NRXN3: variants seen among roughly 807,000 people sequenced by gnomAD.
NRXN3 encodes neurexin 3, also known as neurexin III.
NRXN3 carries 32 observed loss-of-function variants against 137.6 expected under a neutral mutation model. That is an observed-to-expected ratio of 0.23 (90% CI 0.18 to 0.31). The LOEUF is 0.31. Ranked by LOEUF, NRXN3 falls within the 10% of genes least tolerant of loss-of-function variation. The pLI is 1.00. For missense variants in NRXN3, 1,574 were observed against 2,062.5 expected (o/e 0.76, Z 4.59); for synonymous variants, 798 against 784.5 (o/e 1.02, Z -0.29).
chr14:78,827,140 C>T (rs1306122695), intron 10 of NRXN3, among the ~76,000 whole-genome samples: 1 of 151,862 alleles, frequency 6.6e-6, no homozygotes, highest in African/African-American at 2.4e-5. Context: ...TTTACTGTAC[C>T]TCAGCCTTCA....
chr14:78,966,452 T>C (rs1246308398), intron 12 of NRXN3, 46 bp downstream of exon 12: 2 of 1,559,584 alleles, frequency 1.3e-6, no homozygotes, highest in Non-Finnish European at 1.7e-6. Flanking sequence ...TTTAATCTAC[T>C]GAAGCTCTAC....
intron 4 of NRXN3, among the ~76,000 whole-genome samples, chr14:78,375,871 AAATT>A (rs1398304140): frequency 1.3e-5 from 2 of 152,162 alleles, no homozygotes; most frequent in African/African-American, 4.8e-5. Context: ...AATTTATAAT[AAATT>A]AAGGTCCCCA....
At chr14:78,817,625 A>T (rs1465703004) in intron 10 of NRXN3, among the ~76,000 whole-genome samples, 1 of 152,148 alleles carries the variant, frequency 6.6e-6, no homozygotes, top group Non-Finnish European at 1.5e-5. Context: ...CTCATGGAGG[A>T]AGACAGAAGG....
At chr14:79,187,999 G>C (rs1485838593) in intron 15 of NRXN3, among the ~76,000 whole-genome samples, 1 of 151,668 alleles carries the variant, frequency 6.6e-6, no homozygotes, top group Non-Finnish European at 1.5e-5. Flanking sequence ...ACATTGGTAG[G>C]TTTTGTTTGC....
At chr14:79,836,843 G>A (rs567045600) in intron 20 of NRXN3, among the ~76,000 whole-genome samples, 4 of 152,072 alleles carry the variant, frequency 2.6e-5, no homozygotes, top group Admixed American at 2.6e-4. Flanking sequence ...TAGCTTCTGT[G>A]TTGTCATTTT....
At chr14:78,254,825 AT>A (rs1003930694) in intron 2 of NRXN3, among the ~76,000 whole-genome samples, 3 of 151,956 alleles carry the variant, frequency 2.0e-5, no homozygotes, top group Admixed American at 6.6e-5. Flanking sequence ...GCCTAGTAGT[AT>A]TTTTTTTCTT....
At chr14:78,732,173 C>G (rs1357876350) in intron 8 of NRXN3, among the ~76,000 whole-genome samples, 3 of 152,174 alleles carry the variant, frequency 2.0e-5, no homozygotes, top group African/African-American at 7.2e-5. Flanking sequence ...TCAGTACCTC[C>G]TTAGACCTAA....
intron 16 of NRXN3, among the ~76,000 whole-genome samples, chr14:79,616,694 A>T (rs1183294688): frequency 2.0e-5 from 3 of 152,110 alleles, no homozygotes; most frequent in Admixed American, 1.3e-4. Context: ...GAGTTAAGAG[A>T]TTTGGTAATC....
At chr14:78,670,310 G>A (rs1039822732) in intron 6 of NRXN3, among the ~76,000 whole-genome samples, 15 of 152,118 alleles carry the variant, frequency 9.9e-5, no homozygotes, top group African/African-American at 1.4e-4. Context: ...GAATAGTGCC[G>A]CAATAAACAT....
rs1461838180 is a variant in NRXN3 at position 78,659,374 on chromosome 14, AT to A, written c.1221+8049del. 2.0e-4 allele frequency among the ~76,000 whole-genome samples: 30 copies of A among 152,274 alleles called. No homozygotes were observed. The South Asian group carries it at 6.0e-3, about 30-fold the overall frequency. ...TATAGAGCTTTTTTATGGGTTGACCATAAAAAAAAGATGGCCATTTTTGGCT... is the reference window on the plus strand; with the variant it reads ...TATAGAGCTTTTTTATGGGTTGACCAAAAAAAAAGATGGCCATTTTTGGCT... On this transcript the variant is annotated intron_variant, in intron 6 of 20. Coordinates refer to ENST00000335750, the MANE Select transcript of NRXN3 (RefSeq NM_001330195.2).
At chr14:78,480,300 T>C (rs1329813571) in intron 4 of NRXN3, among the ~76,000 whole-genome samples, 3 of 152,198 alleles carry the variant, frequency 2.0e-5, no homozygotes, top group Non-Finnish European at 2.9e-5. Flanking sequence ...CTTGGCACAT[T>C]CAACATAATT....
intron 15 of NRXN3, among the ~76,000 whole-genome samples, chr14:79,346,988 A>C (rs1048162042): frequency 6.6e-6 from 1 of 152,120 alleles, no homozygotes; most frequent in African/African-American, 2.4e-5. Context: ...ATTTTAGATA[A>C]ATGTAAAAAC....
chr14:78,627,935 G>T (rs2097482883), intron 4 of NRXN3, among the ~76,000 whole-genome samples: 1 of 152,144 alleles, frequency 6.6e-6, no homozygotes, highest in Non-Finnish European at 1.5e-5. Flanking sequence ...CAAAGTCAAA[G>T]CCCTTGGAAC....
chr14:79,340,187 G>A (rs1027456717), intron 15 of NRXN3, among the ~76,000 whole-genome samples: 1 of 149,702 alleles, frequency 6.7e-6, no homozygotes, highest in Non-Finnish European at 1.5e-5. Flanking sequence ...GTGTGTGTGT[G>A]TGTATGTGTG....
chr14:78,226,298 C>T (rs939507508), intron 1 of NRXN3, among the ~76,000 whole-genome samples: 8 of 152,102 alleles, frequency 5.3e-5, no homozygotes, highest in Non-Finnish European at 4.4e-5. Context: ...CCACCGGGTC[C>T]GGCCCAAGTA....
chr14:78,212,563 G>A (rs374669429), intron 1 of NRXN3, among the ~76,000 whole-genome samples: 2 of 152,242 alleles, frequency 1.3e-5, no homozygotes, highest in African/African-American at 4.8e-5. Flanking sequence ...TGCCCTGCCA[G>A]GCTGTCAAAA....
chr14:79,324,991 T>G (rs1252289097), intron 15 of NRXN3, among the ~76,000 whole-genome samples: 1 of 152,232 alleles, frequency 6.6e-6, no homozygotes, highest in Non-Finnish European at 1.5e-5. Flanking sequence ...AACACATCAG[T>G]GCAGTGTGAA....
chr14:78,778,933 T>G (rs1308730041), intron 8 of NRXN3, among the ~76,000 whole-genome samples: 1 of 151,928 alleles, frequency 6.6e-6, no homozygotes. Context: ...TCATATTTAT[T>G]TTAAATATTG....
chr14:78,993,834 ATTTTTTTTTTTTTTTTTTTTTT>A (rs58170856), intron 15 of NRXN3, among the ~76,000 whole-genome samples: 1,658 of 67,166 alleles, frequency 0.025, 67 homozygotes, highest in African/African-American at 0.069. Context: ...GAGCCTTGAA[ATTTTTTTTTTTTTTTTTTTTTT>A]TTTTTTTTTT....
Sources: allele counts gnomAD v4.1 joint callset (sites outside exome capture counted in the v4.1 genomes callset), GRCh38; gene constraint gnomAD v4.1.1; transcripts MANE v1.5; gene names NCBI Gene and HGNC (gene_info 2026-07-23, HGNC 2026-07-21).